Variants in ARHGAP6 observed in about 807,000 individuals in gnomAD.
The protein encoded by ARHGAP6 is Rho GTPase activating protein 6.
Under a neutral mutation model 55.7 loss-of-function variants are expected in ARHGAP6, and 16 were observed. That is an observed-to-expected ratio of 0.29 (90% CI 0.19 to 0.44). ARHGAP6 has a LOEUF of 0.44. Among genes scored for constraint, ARHGAP6 ranks in the 20% least tolerant of loss-of-function variants. ARHGAP6 has a pLI of 1.00. For synonymous variants in ARHGAP6, 382 were observed against 360.9 expected, an observed-to-expected ratio of 1.06 and a Z score of -0.66; for missense variants, 698 against 808.9, an observed-to-expected ratio of 0.86 and a Z score of 1.66.
At chrX:11,354,315 CTCTCTCTCTCTCTATATA>C (rs1203874715) in intron 1 of ARHGAP6, among the ~76,000 whole-genome samples, 1 of 67,567 alleles carries the variant, frequency 1.5e-5, no homozygotes, top group Non-Finnish European at 2.7e-5. Context: ...CTCTCTCTCT[CTCTCTCTCTCTCTATATA>C]TATATATATA....
chrX:11,239,025 T>C (rs969177176), intron 2 of ARHGAP6, among the ~76,000 whole-genome samples: 6 of 112,245 alleles, frequency 5.3e-5, no homozygotes, highest in African/African-American at 1.9e-4. Flanking sequence ...ATAACATTAG[T>C]GTGGAAACTG....
rs149800440 is a variant in ARHGAP6 at position 11,229,693 on chromosome X, A to G, written c.748+24855T>C. Among the ~76,000 whole-genome samples the G allele has an allele frequency of 3.1e-4, 35 of 112,176 alleles. No homozygotes were observed. The East Asian group carries it at 9.8e-3, about 31-fold the overall frequency. On this transcript the variant is annotated intron_variant, in intron 2 of 12. Transcript: ENST00000337414. ...AATATATTTGGAATAAGTCAGTTAA[A>G]TGTATTCTTTTGCTGAGTTTCTGAA...
intron 1 of ARHGAP6, among the ~76,000 whole-genome samples, chrX:11,521,426 A>G (rs1183216022): frequency 8.9e-6 from 1 of 111,963 alleles, no homozygotes; most frequent in African/African-American, 3.2e-5. Flanking sequence ...TCCTTTCCCC[A>G]TTTCCTGTTT....
At chrX:11,234,744 T>C (rs1569267430) in intron 2 of ARHGAP6, among the ~76,000 whole-genome samples, 1 of 112,750 alleles carries the variant, frequency 8.9e-6, no homozygotes. Flanking sequence ...AAAACTTGTA[T>C]GCCAGTGTTT....
chrX:11,303,207 A>G (rs747288913), intron 1 of ARHGAP6, among the ~76,000 whole-genome samples: 8 of 112,711 alleles, frequency 7.1e-5, no homozygotes, highest in Non-Finnish European at 1.5e-4. Context: ...AATTCTTGTT[A>G]GTTGGAGTTT....
intron 1 of ARHGAP6, among the ~76,000 whole-genome samples, chrX:11,522,773 A>C (rs1158189864): frequency 3.3e-4 from 37 of 111,206 alleles, no homozygotes; most frequent in African/African-American, 1.0e-3. Context: ...AGTCCAGGAC[A>C]AGATGGATTC....
intron 1 of ARHGAP6, among the ~76,000 whole-genome samples, chrX:11,320,766 TACACACACACACACACACAC>T (rs56815077): frequency 2.3e-5 from 2 of 85,666 alleles, no homozygotes; most frequent in African/African-American, 8.4e-5. Context: ...AATATCTCTT[TACACACACACACACACACAC>T]ACACACACAC....
intron 1 of ARHGAP6, among the ~76,000 whole-genome samples, chrX:11,435,735 A>G (rs1412147369): frequency 8.9e-6 from 1 of 111,964 alleles, no homozygotes; most frequent in Non-Finnish European, 1.9e-5. Context: ...AGCCATCCTG[A>G]GCTCTGGATT....
chrX:11,340,274 T>TC (rs781102782), intron 1 of ARHGAP6, among the ~76,000 whole-genome samples: 1 of 111,816 alleles, frequency 8.9e-6, no homozygotes, highest in South Asian at 3.8e-4. Flanking sequence ...ATTGCTCCCT[T>TC]CACTCACTAG....
intron 12 of ARHGAP6, 123 bp from the exon 13 acceptor site, chrX:11,139,653 GCA>G (rs1402737695): frequency 2.8e-6 from 2 of 712,968 alleles, no homozygotes; most frequent in Non-Finnish European, 3.9e-6. Flanking sequence ...AACTGAAACA[GCA>G]CAGTATGCTC....
chrX:11,435,952 C>T (rs1412289314), intron 1 of ARHGAP6, among the ~76,000 whole-genome samples: 1 of 112,098 alleles, frequency 8.9e-6, no homozygotes, highest in Non-Finnish European at 1.9e-5. Flanking sequence ...AAAAAGAATG[C>T]TACACGTGAT....
intron 1 of ARHGAP6, among the ~76,000 whole-genome samples, chrX:11,589,590 A>C (rs2051780095): frequency 9.1e-6 from 1 of 109,806 alleles, no homozygotes; most frequent in African/African-American, 3.3e-5. Context: ...TTTTCTATAA[A>C]AACAGGGTAC....
intron 1 of ARHGAP6, among the ~76,000 whole-genome samples, chrX:11,640,132 T>C (rs1030299622): frequency 9.0e-6 from 1 of 111,339 alleles, no homozygotes; most frequent in African/African-American, 3.3e-5. Flanking sequence ...GTTTTAAATC[T>C]AACAAAATGT....
chrX:11,512,125 C>A (rs934914030), intron 1 of ARHGAP6, among the ~76,000 whole-genome samples: 2 of 111,876 alleles, frequency 1.8e-5, no homozygotes, highest in African/African-American at 6.5e-5. Flanking sequence ...CACGCGTTTT[C>A]TTTATGCACC....
chrX:11,219,398 T>C (rs1320553364), intron 2 of ARHGAP6, among the ~76,000 whole-genome samples: 18 of 102,448 alleles, frequency 1.8e-4, no homozygotes, highest in Admixed American at 3.1e-4. Flanking sequence ...TTTGGGTATA[T>C]ACCCAGTAAT....
At chrX:11,585,242 ATG>A (rs1308925353) in intron 1 of ARHGAP6, among the ~76,000 whole-genome samples, 12 of 111,963 alleles carry the variant, frequency 1.1e-4, no homozygotes, top group Non-Finnish European at 2.3e-4. Context: ...CAATGAACAT[ATG>A]TGTGTGTGTG....
intron 1 of ARHGAP6, among the ~76,000 whole-genome samples, chrX:11,648,983 AATGGAAG>A (rs2052557514): frequency 1.8e-5 from 2 of 112,328 alleles, no homozygotes; most frequent in Admixed American, 9.5e-5. Context: ...AATCTTAAAA[AATGGAAG>A]ATGGAAACCA....
At chrX:11,153,158 T>G (rs764442600) in intron 10 of ARHGAP6, among the ~76,000 whole-genome samples, 1 of 111,804 alleles carries the variant, frequency 8.9e-6, no homozygotes, top group Admixed American at 9.5e-5. Context: ...TTCAGATTCA[T>G]AGACTACCTC....
intron 1 of ARHGAP6, among the ~76,000 whole-genome samples, chrX:11,423,095 A>C (rs1460983576): frequency 8.9e-6 from 1 of 112,611 alleles, no homozygotes; most frequent in East Asian, 2.8e-4. Flanking sequence ...ACAAATGACA[A>C]CCAGAGTAAT....
Sources: gnomAD v4.1 joint callset for allele counts (sites outside exome capture counted in the v4.1 genomes callset) on GRCh38, gnomAD v4.1.1 for gene constraint, MANE v1.5 for transcripts, NCBI Gene and HGNC (gene_info 2026-07-23, HGNC 2026-07-21) for gene names.